The following ETV4 variants were observed in gnomAD, a reference collection of about 807,000 sequenced individuals.
ETV4 encodes the protein ETS variant transcription factor 4.
In ETV4, 42 loss-of-function variants were observed where a neutral mutation model predicts 65.9. The ratio of observed to expected loss-of-function variants is 0.64; its 90% CI spans 0.50 to 0.82. The LOEUF (loss-of-function observed/expected upper bound fraction) is 0.82. Ranked by LOEUF, ETV4 falls within the 40% of genes least tolerant of loss-of-function variation. The pLI is 0.00. For missense variants in ETV4, 583 were observed against 630.3 expected, an observed-to-expected ratio of 0.92 and a Z score of 0.80; for synonymous variants, 238 against 260.0, an observed-to-expected ratio of 0.92 and a Z score of 0.81.
intron 8 of ETV4, 147 bp downstream of exon 8, chr17:43,532,526 AC>A: frequency 1.3e-6 from 1 of 761,734 alleles, no homozygotes; most frequent in South Asian, 2.0e-5. Flanking sequence ...AAGAAAAATA[AC>A]ATTCTTTTGA....
chr17:43,536,933 C>G (rs73304591), intron 4 of ETV4, among the ~76,000 whole-genome samples: 1 of 152,186 alleles, frequency 6.6e-6, no homozygotes, highest in East Asian at 1.9e-4. Context: ...CTTCTAGATG[C>G]TTTGTCTTTA....
chr17:43,545,706 G>A lies in ETV4; in HGVS notation c.-51-38C>T. 2.5e-6 allele frequency: 3 copies of A among 1,179,238 alleles called. 1 individual carries two copies. Among genetic ancestry groups the A allele is most frequent in the Non-Finnish European group, 2.4e-6 (2 of 823,200 alleles). The allele number at this position is 1,179,238 out of a possible 1,614,324, so 73.0% of individuals were successfully genotyped here. ...GGGGCTGCGTTCGCACACCGTCCAGGGAGGGCTGCGATGGGGGCGGGGAGG... is the reference window on the plus strand; with the variant it reads ...GGGGCTGCGTTCGCACACCGTCCAGAGAGGGCTGCGATGGGGGCGGGGAGG... On this transcript the variant is annotated intron_variant, in intron 1 of 12. Transcript: ENST00000319349.
At position 43,534,650 on chromosome 17, in the gene ETV4, TC is replaced by T. The variant is rs532390209; in HGVS notation, c.257-666del. On this transcript the variant is annotated intron_variant, in intron 5 of 12. Transcript: ENST00000319349. Reference sequence around the variant, plus strand: ...TTTTCTTATTTGAGGATATAAAGAATCTTTCTTGGCCGGGCGCGGTGGCTCA... The same window carrying T: ...TTTTCTTATTTGAGGATATAAAGAATTTTCTTGGCCGGGCGCGGTGGCTCA... 2.9e-4 allele frequency among the ~76,000 whole-genome samples: 44 copies of T among 151,664 alleles called. No individual in the cohort carries two copies. In the South Asian group the frequency reaches 5.9e-3, roughly 20 times the overall value.
intron 5 of ETV4, 175 bp downstream of exon 5, chr17:43,536,251 G>A (rs1231688983): frequency 1.5e-6 from 1 of 674,494 alleles, no homozygotes; most frequent in Admixed American, 2.4e-5. Context: ...GCAAGAACAT[G>A]TCAAGCCCCA....
rs888736657 is a variant in ETV4 at position 43,543,296 on chromosome 17, T to TCTCTCTCTCTCTCTCTCTCTCTCA, written c.202+1678_202+1679insTGAGAGAGAGAGAGAGAGAGAGAG. 2.3e-3 allele frequency among the ~76,000 whole-genome samples: 331 copies of TCTCTCTCTCTCTCTCTCTCTCTCA among 143,420 alleles called. 1 individual carries two copies. The highest frequency in any genetic ancestry group is 3.1e-3 in the East Asian group (15 of 4,796). The allele number at this position is 143,420 out of a possible 152,430, so 94.1% of individuals were successfully genotyped here. ...CACACACTCTCTCTCTCTCTCTCTC[T>TCTCTCTCTCTCTCTCTCTCTCTCA]CACACACACACTTGCTGTCACACCG... On this transcript the variant is annotated intron_variant, in intron 4 of 12. Transcript: ENST00000319349.
Position 43,532,953 on chromosome 17 carries a change from G to A in ETV4, c.546-14C>T. 2 of 1,549,998 alleles carry A rather than the reference G, an allele frequency of 1.3e-6. No homozygotes were observed. Among genetic ancestry groups the A allele is most frequent in the South Asian group, 1.2e-5 (1 of 80,528 alleles). ...TGGAAGACGGAGCTGGATGTGGTTG[G>A]ATGGAGAAGGAAGAGAAGAGAACTT... is the stretch of plus-strand genomic sequence containing the variant. On this transcript the variant is annotated splice_polypyrimidine_tract_variant and intron_variant, in intron 7 of 12. Transcript: ENST00000319349.
Position 43,528,379 on chromosome 17 carries a change from G to C in ETV4, c.*140C>G, listed in dbSNP as rs1288277478. ...ACTCCGGTGAGCAGCTCAGAGTCTG[G>C]GCTAGGGCAACTGGTAGGACAGTGG... On this transcript the variant is annotated 3_prime_UTR_variant, in exon 13 of 13. Transcript: ENST00000319349. The C allele has an allele frequency of 3.2e-6, 2 of 616,458 alleles. No individual in the cohort carries two copies. The highest frequency in any genetic ancestry group is 5.6e-6 in the Non-Finnish European group (2 of 355,222). 38.2% of individuals were successfully genotyped at this position (616,458 alleles called of 1,614,324 possible).
rs1052797197 is a variant in ETV4 at position 43,533,756 on chromosome 17, G to A, written c.383+103C>T. On this transcript the variant is annotated intron_variant, in intron 6 of 12. Coordinates refer to ENST00000319349, the MANE Select transcript of ETV4 (RefSeq NM_001079675.5). ...CAAGTGCTAGAAAATCCTTTCTGTT[G>A]TCTAACTTGCATCTCAGCTGCTGCC... 4 of 1,441,174 alleles carry A rather than the reference G, an allele frequency of 2.8e-6. No homozygotes were observed. In the African/African-American group the frequency reaches 4.4e-5, roughly 16 times the overall value. The allele number at this position is 1,441,174 out of a possible 1,614,324, so 89.3% of individuals were successfully genotyped here.
At chr17:43,533,825 T>C (rs540923247) in intron 6 of ETV4, 34 bp downstream of exon 6, 22 of 1,605,884 alleles carry the variant, frequency 1.4e-5, no homozygotes, top group South Asian at 4.5e-5. Flanking sequence ...GGAACCCTTC[T>C]CCTACCCTTC....
chr17:43,544,934 G>A, intron 4 of ETV4, 41 bp downstream of exon 4: 1 of 1,598,752 alleles, frequency 6.3e-7, no homozygotes, highest in Non-Finnish European at 8.6e-7. Context: ...GTGTCCCCCT[G>A]TCCAGCCTCC....
At position 43,545,588 on chromosome 17, in the gene ETV4, C is replaced by T; in HGVS notation, c.30G>A (p.Leu10=). The change falls in exon 2 of 13, where the codon TTG becomes TTA. Residue 10 remains leucine, a synonymous_variant. Coordinates refer to ENST00000319349, the MANE Select transcript of ETV4 (RefSeq NM_001079675.5). MERRMKAGY[L]DQQVPYTFSS... ...TGAAGGTGTAGGGCACTTGCTGGTC[C>T]AAGTATCCGGCTTTCATCCTCCGCT... 1 of 1,550,940 alleles carries T rather than the reference C, an allele frequency of 6.4e-7. No individual in the cohort carries two copies. The highest frequency in any genetic ancestry group is 1.2e-5 in the South Asian group (1 of 84,064).
Position 43,532,828 on chromosome 17 carries a change from G to T in ETV4, c.657C>A (p.Pro219=). Residue 219 remains proline (P), a synonymous_variant, in exon 8 of 13, where the codon CCC becomes CCA. Transcript: ENST00000319349. ...YQHQLSEPCP[P]YPQQSFKQEY... The stretch of plus-strand genomic sequence containing the variant: ...CTTGCTTAAAGCTCTGCTGGGGATA[G>T]GGTGGGCAGGGCTCCGACAGCTGGT... 1 of 1,614,022 alleles carries T rather than the reference G, an allele frequency of 6.2e-7. No individual in the cohort carries two copies. Among genetic ancestry groups the T allele is most frequent in the Non-Finnish European group, 8.5e-7 (1 of 1,179,966 alleles).
In ETV4 at chr17:43,545,027, G is replaced by A; in HGVS notation, c.155-5C>T. ...GACTTAGATCCTGGAAGAGATCTGAGGGGTAAATAGTGGAATTGGAGGTGA... is the reference window on the plus strand; with the variant it reads ...GACTTAGATCCTGGAAGAGATCTGAAGGGTAAATAGTGGAATTGGAGGTGA... On this transcript the variant is annotated splice_region_variant and splice_polypyrimidine_tract_variant and intron_variant, in intron 3 of 12. Coordinates refer to ENST00000319349, the MANE Select transcript of ETV4 (RefSeq NM_001079675.5). 6.2e-7 allele frequency: 1 copy of A among 1,613,862 alleles called. No individual in the cohort carries two copies. The highest frequency in any genetic ancestry group is 1.3e-5 in the African/African-American group (1 of 75,000).
In ETV4 at chr17:43,530,097, G is replaced by A. The variant is rs1429743969; in HGVS notation, c.886+10C>T. On this transcript the variant is annotated intron_variant, in intron 9 of 12. Coordinates refer to ENST00000319349, the MANE Select transcript of ETV4 (RefSeq NM_001079675.5). ...TGGAGGGCTTGGCAGGGGAAGGGGG[G>A]CTGCCTTACCCATGGCCCCGTCACC... 1.2e-6 allele frequency: 2 copies of A among 1,600,712 alleles called. No individual in the cohort carries two copies. The highest frequency in any genetic ancestry group is 1.7e-6 in the Non-Finnish European group (2 of 1,173,196).
At chr17:43,529,048 T>C in intron 12 of ETV4, 87 bp downstream of exon 12, 1 of 1,267,494 alleles carries the variant, frequency 7.9e-7, no homozygotes, top group Non-Finnish European at 1.2e-6. Flanking sequence ...ACAAAGTTGC[T>C]GAGAACTGCC....
At chr17:43,545,979 G>GTGTGTA (rs1971804202) in intron 1 of ETV4, 1 of 267,164 alleles carries the variant, frequency 3.7e-6, no homozygotes, top group Admixed American at 5.5e-5. Flanking sequence ...GTGTGTGTGT[G>GTGTGTA]TACGCGCGCG....
chr17:43,528,638 G>A lies in ETV4; in HGVS notation c.1336C>T (p.Arg446Trp), dbSNP rs1411056055. 5 of 1,614,052 alleles carry A rather than the reference G, an allele frequency of 3.1e-6. No homozygotes were observed. The Admixed American group carries it at 5.0e-5, about 16-fold the overall frequency. ...QRPALKAEFD[R>W]PVSEEDTVPL... ...ACTGTGTCCTCCTCACTGACAGGCC[G>A]GTCAAACTCAGCCTTGAGAGCTGGA... The change falls in exon 13 of 13, where the codon CGG becomes TGG. Residue 446 changes from arginine to tryptophan, a missense_variant. By Grantham distance (101) the Arg-to-Trp change is moderately radical (BLOSUM62 -3). Coordinates refer to ENST00000319349, the MANE Select transcript of ETV4 (RefSeq NM_001079675.5).
rs779091620 is a variant in ETV4 at position 43,529,657 on chromosome 17, C to T, written c.975G>A (p.Gly325=). The change falls in exon 11 of 13, where the codon GGG becomes GGA. Residue 325 remains glycine (G), a synonymous_variant. Coordinates refer to ENST00000319349, the MANE Select transcript of ETV4 (RefSeq NM_001079675.5). ...GCGGCCCCTCTCGAAATGCACCGAC[C>T]CCTTCCTGCTTGATGTCTCCTGGGG... ...EKFEGDIKQE[G]VGAFREGPPY... 1.8e-5 allele frequency: 29 copies of T among 1,612,778 alleles called. No individual in the cohort carries two copies. Among genetic ancestry groups the T allele is most frequent in the Non-Finnish European group, 2.2e-5 (26 of 1,179,294 alleles).
In ETV4 at chr17:43,545,590, A is replaced by G. The variant is rs1392825302; in HGVS notation, c.28T>C (p.Leu10=). 6 of 1,550,776 alleles carry G rather than the reference A, an allele frequency of 3.9e-6. No homozygotes were observed. The change falls in exon 2 of 13, where the codon TTG becomes CTG. Residue 10 remains leucine (L), a synonymous_variant. Coordinates refer to ENST00000319349, the MANE Select transcript of ETV4 (RefSeq NM_001079675.5). Reference sequence around the variant, plus strand: ...AAGGTGTAGGGCACTTGCTGGTCCAAGTATCCGGCTTTCATCCTCCGCTCC... The same window carrying G: ...AAGGTGTAGGGCACTTGCTGGTCCAGGTATCCGGCTTTCATCCTCCGCTCC... MERRMKAGY[L]DQQVPYTFSS... is the part of the protein sequence containing the mutation.
Sources: allele counts gnomAD v4.1 joint callset (sites outside exome capture counted in the v4.1 genomes callset), GRCh38; gene constraint gnomAD v4.1.1; transcripts MANE v1.5; gene names NCBI Gene and HGNC (gene_info 2026-07-23, HGNC 2026-07-21).